CD5: variants seen among roughly 807,000 people sequenced by gnomAD.
CD5 encodes the protein T-cell surface glycoprotein CD5.
CD5 carries 36 observed loss-of-function variants against 60.3 expected under a neutral mutation model. The observed-to-expected ratio is 0.60, with a 90% CI of 0.46 to 0.79. The LOEUF is 0.79. Among genes scored for constraint, CD5 ranks in the 30% least tolerant of loss-of-function variants. CD5 has a pLI of 0.00. For synonymous variants in CD5, 230 were observed against 257.6 expected (o/e 0.89, Z 1.03); for missense variants, 540 against 630.6 (o/e 0.86, Z 1.54).
chr11:61,099,371 AT>A (rs1860624721), upstream of CD5, among the ~76,000 whole-genome samples: 2 of 151,250 alleles, frequency 1.3e-5, no homozygotes, highest in African/African-American at 2.4e-5. Context: ...ACACACACAC[AT>A]CAACATGGAA....
chr11:61,121,139 C>T (rs1481599283), intron 5 of CD5, among the ~76,000 whole-genome samples: 3 of 152,250 alleles, frequency 2.0e-5, no homozygotes, highest in Admixed American at 6.5e-5. Flanking sequence ...TGTGAACTGC[C>T]AGGACTCAGG....
Position 61,102,558 on chromosome 11 carries a change from A to C in CD5, c.-3A>C, listed in dbSNP as rs1484523464. 3.8e-6 allele frequency: 6 copies of C among 1,581,936 alleles called. No individual in the cohort carries two copies. The highest frequency in any genetic ancestry group is 1.8e-5 in the Admixed American group (1 of 55,812). ...AGGCTGAGGCAAGAGAAGGCCAGAA[A>C]CCATGCCCATGGGGTCTCTGCAACC... On this transcript the variant is annotated 5_prime_UTR_variant, in exon 1 of 11. Coordinates refer to ENST00000347785, the MANE Select transcript of CD5 (RefSeq NM_014207.4).
At chr11:61,115,125 G>A (rs1860920108) in intron 2 of CD5, 31 bp downstream of exon 2, 1 of 1,546,614 alleles carries the variant, frequency 6.5e-7, no homozygotes, top group African/African-American at 1.4e-5. Context: ...GAAAGGCCTG[G>A]GGCAGGGGGA....
chr11:61,107,728 C>A (rs1298116997), intron 1 of CD5, among the ~76,000 whole-genome samples: 1 of 152,210 alleles, frequency 6.6e-6, no homozygotes, highest in Non-Finnish European at 1.5e-5. Context: ...ATCATCATCA[C>A]CATCATGTAC....
chr11:61,093,981 C>T, the CD5 span, among the ~76,000 whole-genome samples: 31 of 152,178 alleles, frequency 2.0e-4, no homozygotes, highest in African/African-American at 5.8e-4. Context: ...CTGATGCTCC[C>T]GGCTGAATAA....
At chr11:61,102,477 C>A, upstream of CD5, 1 of 1,005,522 alleles carries the variant, frequency 9.9e-7, no homozygotes, top group Admixed American at 2.1e-5. Flanking sequence ...CGCCCTCTCC[C>A]TCTCTGAGAG....
chr11:61,123,804 C>CCCCCCCCA, intron 7 of CD5, 80 bp from the exon 8 acceptor site: 3 of 689,242 alleles, frequency 4.4e-6, no homozygotes, highest in South Asian at 1.6e-5. Context: ...CTCCCAGGCC[C>CCCCCCCCA]AGCCCCATCC....
chr11:61,100,154 A>C (rs1860644503), upstream of CD5, among the ~76,000 whole-genome samples: 1 of 140,388 alleles, frequency 7.1e-6, no homozygotes, highest in Non-Finnish European at 1.5e-5. Context: ...GATCACACAC[A>C]CACAACATGG....
At chr11:61,101,708 G>T (rs983612619), upstream of CD5, among the ~76,000 whole-genome samples, 1 of 145,196 alleles carries the variant, frequency 6.9e-6, no homozygotes, top group Non-Finnish European at 1.5e-5. Context: ...TCAACATGGA[G>T]ATCACACACA....
Position 61,127,626 on chromosome 11 carries a change from C to T in CD5, c.*1341C>T, listed in dbSNP as rs559741125. 6.6e-6 allele frequency: 1 copy of T among 152,328 alleles called. No homozygotes were observed. The highest frequency in any genetic ancestry group is 1.9e-4 in the East Asian group (1 of 5,186). 9.4% of individuals were successfully genotyped at this position (152,328 alleles called of 1,614,324 possible). On this transcript the variant is annotated 3_prime_UTR_variant, in exon 11 of 11. Transcript: ENST00000347785. Reference sequence around the variant, plus strand: ...CATGCTGGGAATCCAGAAACAGGGACCCCATTTGTCTTCCCATATCTGGTG... The same window carrying T: ...CATGCTGGGAATCCAGAAACAGGGATCCCATTTGTCTTCCCATATCTGGTG...
intron 2 of CD5, among the ~76,000 whole-genome samples, chr11:61,115,622 C>G (rs7342164): frequency 0.14 from 20,998 of 152,236 alleles, 1,835 homozygotes; most frequent in African/African-American, 0.24. Flanking sequence ...ACAGTGTACA[C>G]CGGCCCAGTA....
chr11:61,120,850 C>T (rs932281969), intron 5 of CD5, among the ~76,000 whole-genome samples: 1 of 152,226 alleles, frequency 6.6e-6, no homozygotes, highest in African/African-American at 2.4e-5. Context: ...ATCCTTCCTG[C>T]AGGCTACAAC....
rs755150427 is a variant in CD5, at chr11:61,121,815, C to T, written c.1010C>T (p.Ser337Phe). 2.5e-6 allele frequency: 4 copies of T among 1,608,494 alleles called. No individual in the cohort carries two copies. Among genetic ancestry groups the T allele is most frequent in the Non-Finnish European group, 3.4e-6 (4 of 1,175,936 alleles). Residue 337 changes from serine (S) to phenylalanine (F), a missense_variant, in exon 6 of 11, where the codon TCC becomes TTC. Physicochemically the swap from Ser to Phe is radical, Grantham distance 155. Transcript: ENST00000347785. ...GTGCTGGACGCTGGTGACCCAACAT[C>T]CCGGGGGCTCTTCTGTCCCCATCAG... Reference protein sequence around the residue: ...YRVLDAGDPTSRGLFCPHQKL... With the variant: ...YRVLDAGDPTFRGLFCPHQKL...
intron 1 of CD5, 92 bp from the exon 2 acceptor site, chr11:61,114,964 A>T (rs1860916875): frequency 8.2e-7 from 1 of 1,219,114 alleles, no homozygotes; most frequent in East Asian, 2.6e-5. Flanking sequence ...GGAGGCAGAA[A>T]GGGCCATTGC....
the CD5 span, among the ~76,000 whole-genome samples, chr11:61,097,388 A>T: frequency 1.3e-5 from 2 of 152,212 alleles, no homozygotes; most frequent in African/African-American, 4.8e-5. Context: ...ACCCCGTAGG[A>T]CGACTTAGTT....
At chr11:61,120,094 A>G (rs1488267190) in intron 5 of CD5, among the ~76,000 whole-genome samples, 1 of 152,078 alleles carries the variant, frequency 6.6e-6, no homozygotes, top group African/African-American at 2.4e-5. Flanking sequence ...GGCTCTGCAG[A>G]GGGTCCTGCG....
chr11:61,122,923 C>T lies in CD5; in HGVS notation c.1116C>T (p.Pro372=), dbSNP rs1489201093. The T allele has an allele frequency of 1.2e-6, 2 of 1,613,816 alleles. No homozygotes were observed. Among genetic ancestry groups the T allele is most frequent in the African/African-American group, 1.3e-5 (1 of 75,064 alleles). ...CTTCCCCAGGCCAGGATCCAAACCC[C>T]GCAGGCCTGGCCGCAGGCACGGTGG... The part of the protein sequence containing the change: ...KVFVTCQDPN[P]AGLAAGTVAS... The change falls in exon 7 of 11, where the codon CCC becomes CCT. Residue 372 remains proline, a synonymous_variant. Transcript: ENST00000347785.
Position 61,118,865 on chromosome 11 carries a change from G to A in CD5, c.401-50G>A, listed in dbSNP as rs377591343. 53 of 1,398,008 alleles carry A rather than the reference G, an allele frequency of 3.8e-5. No individual in the cohort carries two copies. The highest frequency in any genetic ancestry group is 5.7e-5 in the African/African-American group (4 of 70,532). 86.6% of individuals were successfully genotyped at this position (1,398,008 alleles called of 1,614,324 possible). ...CCTCTCAAGGCTGCTGGCTGCCCCC[G>A]GCCCTCCCCACACCACCCATTCCTC... On this transcript the variant is annotated intron_variant, in intron 3 of 10. Coordinates refer to ENST00000347785, the MANE Select transcript of CD5 (RefSeq NM_014207.4). The surrounding 1 kb of genome is among the most constrained non-coding windows in gnomAD (Gnocchi z 4.7).
chr11:61,118,223 T>G lies in CD5; in HGVS notation c.143T>G (p.Leu48Arg). 1 of 1,614,204 alleles carries G rather than the reference T, an allele frequency of 6.2e-7. No homozygotes were observed. The highest frequency in any genetic ancestry group is 2.2e-5 in the East Asian group (1 of 44,876). ...TCCAACTCGAAGTGCCAGGGCCAGC[T>G]GGAGGTCTACCTCAAGGACGGATGG... ...TRSNSKCQGQ[L>R]EVYLKDGWHM... The change falls in exon 3 of 11, where the codon CTG becomes CGG. Residue 48 changes from leucine to arginine, a missense_variant. Leu to Arg is a moderately radical substitution (Grantham distance 102). Coordinates refer to ENST00000347785, the MANE Select transcript of CD5 (RefSeq NM_014207.4). The surrounding 1 kb of genome is among the most constrained non-coding windows in gnomAD (Gnocchi z 4.7).
Sources: gnomAD v4.1 joint callset for allele counts (sites outside exome capture counted in the v4.1 genomes callset) on GRCh38, gnomAD v4.1.1 for gene constraint, Gnocchi (gnomAD v3.1) non-coding constraint, MANE v1.5 for transcripts, NCBI Gene and HGNC (gene_info 2026-07-23, HGNC 2026-07-21) for gene names.